L3MBTL4: variants seen among roughly 807,000 people sequenced by gnomAD.
L3MBTL4 encodes the protein L3MBTL histone methyl-lysine binding protein 4, also known as lethal(3)malignant brain tumor-like protein 4.
L3MBTL4 carries 70 observed loss-of-function variants against 84.5 expected under a neutral mutation model. That is an observed-to-expected ratio of 0.83 (90% CI 0.68 to 1.01). The LOEUF is 1.01. Ranked by LOEUF, L3MBTL4 falls within the 50% of genes least tolerant of loss-of-function variation. The pLI is 0.00. For missense variants in L3MBTL4, 715 were observed against 754.8 expected (o/e 0.95, Z 0.62); for synonymous variants, 274 against 259.8 (o/e 1.05, Z -0.52).
At chr18:5,970,152 C>G (rs1368058846) in intron 16 of L3MBTL4, among the ~76,000 whole-genome samples, 1 of 152,228 alleles carries the variant, frequency 6.6e-6, no homozygotes, top group Non-Finnish European at 1.5e-5. Flanking sequence ...CGCACCATGA[C>G]CTCACCTGGG....
chr18:6,085,692 T>A (rs1406019640), intron 15 of L3MBTL4, among the ~76,000 whole-genome samples: 1 of 152,230 alleles, frequency 6.6e-6, no homozygotes, highest in Non-Finnish European at 1.5e-5. Context: ...TGATTGTAAG[T>A]TTCCTGAGGC....
chr18:6,180,402 G>T (rs1013923313), intron 12 of L3MBTL4, among the ~76,000 whole-genome samples: 2 of 151,976 alleles, frequency 1.3e-5, no homozygotes, highest in South Asian at 4.2e-4. Context: ...GCTGTTCTGT[G>T]GTTTTGGAAC....
chr18:6,359,444 C>CA (rs1206811263), intron 1 of L3MBTL4, among the ~76,000 whole-genome samples: 8 of 151,842 alleles, frequency 5.3e-5, no homozygotes, highest in African/African-American at 1.9e-4. Context: ...GACTCCAGCT[C>CA]AAAAAAATAA....
chr18:6,071,683 GAGAAAGAAAGAAAGAA>G (rs200360798), intron 16 of L3MBTL4, among the ~76,000 whole-genome samples: 136 of 102,244 alleles, frequency 1.3e-3, no homozygotes, highest in African/African-American at 7.8e-3. Context: ...AAAAGAAAGA[GAGAAAGAAAGAAAGAA>G]AGAAAGAAAG....
At chr18:6,158,935 C>T (rs938951642) in intron 13 of L3MBTL4, among the ~76,000 whole-genome samples, 4 of 152,144 alleles carry the variant, frequency 2.6e-5, no homozygotes, top group African/African-American at 9.7e-5. Context: ...ACAGCTCTTC[C>T]TCCTTGGAGG....
chr18:6,068,735 G>A (rs759019294), intron 16 of L3MBTL4, among the ~76,000 whole-genome samples: 19 of 152,098 alleles, frequency 1.2e-4, no homozygotes, highest in Admixed American at 3.9e-4. Context: ...CCCTTTCCAA[G>A]CCCCTTTATG....
chr18:6,369,498 A>T (rs1411423355), intron 1 of L3MBTL4, among the ~76,000 whole-genome samples: 2 of 152,184 alleles, frequency 1.3e-5, no homozygotes, highest in Non-Finnish European at 2.9e-5. Context: ...CAGAGGAAGG[A>T]GAATATTTAG....
intron 5 of L3MBTL4, among the ~76,000 whole-genome samples, chr18:6,254,809 C>T (rs927061250): frequency 3.3e-5 from 5 of 152,132 alleles, no homozygotes; most frequent in Admixed American, 1.3e-4. Context: ...AGAAATTTGG[C>T]TGCACAATAA....
At chr18:6,028,114 G>T (rs1308799068) in intron 16 of L3MBTL4, among the ~76,000 whole-genome samples, 1 of 152,180 alleles carries the variant, frequency 6.6e-6, no homozygotes, top group Non-Finnish European at 1.5e-5. Flanking sequence ...CTTTGCCCAT[G>T]TATATGTCGT....
At chr18:6,109,470 A>G (rs2059121479) in intron 14 of L3MBTL4, among the ~76,000 whole-genome samples, 2 of 152,146 alleles carry the variant, frequency 1.3e-5, no homozygotes, top group African/African-American at 4.8e-5. Context: ...GTAGCTGTCC[A>G]GGACGTCCCT....
intron 10 of L3MBTL4, among the ~76,000 whole-genome samples, chr18:6,234,078 T>C (rs2047112419): frequency 6.6e-6 from 1 of 152,162 alleles, no homozygotes; most frequent in South Asian, 2.1e-4. Flanking sequence ...AGGATTCCCA[T>C]TTAATAAATG....
chr18:6,337,581 C>T (rs2052403605), intron 1 of L3MBTL4, among the ~76,000 whole-genome samples: 1 of 151,964 alleles, frequency 6.6e-6, no homozygotes, highest in South Asian at 2.1e-4. Context: ...GTCAAGACAG[C>T]TATTACCTTT....
At chr18:6,112,473 G>A (rs1199505284) in intron 14 of L3MBTL4, among the ~76,000 whole-genome samples, 2 of 152,182 alleles carry the variant, frequency 1.3e-5, no homozygotes, top group Non-Finnish European at 2.9e-5. Context: ...AAGGCACAAA[G>A]ATGCTGTGCA....
At chr18:6,088,939 G>A (rs2058347958) in intron 15 of L3MBTL4, among the ~76,000 whole-genome samples, 1 of 152,068 alleles carries the variant, frequency 6.6e-6, no homozygotes, top group East Asian at 1.9e-4. Context: ...GCAGGCATCA[G>A]GAAAAACAAA....
chr18:6,038,251 C>CT lies in L3MBTL4; in HGVS notation c.1444+42629dup, dbSNP rs34580980. 4.3e-4 allele frequency among the ~76,000 whole-genome samples: 42 copies of CT among 97,832 alleles called. 1 individual carries two copies. The highest frequency in any genetic ancestry group is 8.9e-4 in the Admixed American group (7 of 7,898). The allele number at this position is 97,832 out of a possible 152,430, so 64.2% of individuals were successfully genotyped here. On this transcript the variant is annotated intron_variant, in intron 16 of 18. Coordinates refer to ENST00000317931, the MANE Select transcript of L3MBTL4 (RefSeq NM_001330559.2). Reference sequence around the variant, plus strand: ...GGATACTAGAAATCCATTTCTGGATCTTTTTTTTTTTTTTTTTTTTGAGAC... The same window carrying CT: ...GGATACTAGAAATCCATTTCTGGATCTTTTTTTTTTTTTTTTTTTTTGAGAC...
intron 16 of L3MBTL4, among the ~76,000 whole-genome samples, chr18:6,045,272 A>G: frequency 6.6e-6 from 1 of 152,216 alleles, no homozygotes; most frequent in Non-Finnish European, 1.5e-5. Flanking sequence ...AGAATTTCGT[A>G]TCTCACCAAA....
At chr18:6,144,248 C>T (rs9951690) in intron 13 of L3MBTL4, among the ~76,000 whole-genome samples, 5,074 of 145,442 alleles carry the variant, frequency 0.035, 292 homozygotes, top group African/African-American at 0.12. Flanking sequence ...CCTGGAAGCA[C>T]TATTTTATCA....
At chr18:5,987,891 TAA>T (rs11331646) in intron 16 of L3MBTL4, among the ~76,000 whole-genome samples, 2 of 148,318 alleles carry the variant, frequency 1.3e-5, no homozygotes, top group African/African-American at 2.4e-5. Context: ...ATTCCCTGTT[TAA>T]AAAAAAAAAC....
chr18:6,320,649 T>C (rs530978280), intron 1 of L3MBTL4, among the ~76,000 whole-genome samples: 37 of 152,146 alleles, frequency 2.4e-4, no homozygotes, highest in Non-Finnish European at 3.8e-4. Context: ...ATCAATATCA[T>C]GAAAATGACC....
Sources: gnomAD v4.1 joint callset for allele counts (sites outside exome capture counted in the v4.1 genomes callset) on GRCh38, gnomAD v4.1.1 for gene constraint, MANE v1.5 for transcripts, NCBI Gene and HGNC (gene_info 2026-07-23, HGNC 2026-07-21) for gene names.